Variants in CAPN15 observed in about 807,000 individuals in gnomAD.
CAPN15 encodes the protein calpain-15.
CAPN15 carries 53 observed loss-of-function variants against 97.9 expected under a neutral mutation model. The ratio of observed to expected loss-of-function variants is 0.54; its 90% confidence interval spans 0.43 to 0.68. The LOEUF (loss-of-function observed/expected upper bound fraction) is 0.68. CAPN15 is among the 30% of genes least tolerant of loss of function. The pLI is 0.00. For missense variants in CAPN15, 1,592 were observed against 1,589.8 expected (o/e 1.00, Z -0.02); for synonymous variants, 922 against 722.5 (o/e 1.28, Z -4.43).
At chr16:539,623 G>A (rs893263952) in intron 3 of CAPN15, 1 of 152,292 alleles carries the variant, frequency 6.6e-6, no homozygotes, top group Non-Finnish European at 1.5e-5. Context: ...CTGGCTCTGT[G>A]GGTGCACAAG....
In CAPN15 at chr16:549,003, G is replaced by C. The variant is rs1567153710; in HGVS notation, c.1460G>C (p.Ser487Thr). 5 of 1,612,718 alleles carry C rather than the reference G, an allele frequency of 3.1e-6. No individual in the cohort carries two copies. Among genetic ancestry groups the C allele is most frequent in the Non-Finnish European group, 4.2e-6 (5 of 1,179,924 alleles). Residue 487 changes from serine (S) to threonine (T), a missense_variant, in exon 5 of 14, where the codon AGC becomes ACC. Physicochemically the swap from Ser to Thr is moderately conservative, Grantham distance 58. Around this residue, in one of 3 missense-constraint regions of CAPN15, gnomAD observed 883 missense variants for 776.6 expected, o/e 1.14. Coordinates refer to ENST00000219611, the MANE Select transcript of CAPN15 (RefSeq NM_005632.3). Reference protein sequence around the residue: ...IVAFCRENNVSFVDDSFPPGP... With the variant: ...IVAFCRENNVTFVDDSFPPGP... ...CCGTGGTCTCTGCAGAACAATGTGA[G>C]CTTCGTGGATGACAGCTTCCCTCCC...
At position 530,061 on chromosome 16, in the gene CAPN15, C is replaced by G. The variant is rs553127676; in HGVS notation, c.-190+2032C>G. On this transcript the variant is annotated intron_variant, in intron 1 of 13. Coordinates refer to ENST00000219611, the MANE Select transcript of CAPN15 (RefSeq NM_005632.3). ...AAAGCCCTTCCGCATCCCTCGTACC[C>G]ACTCGGTGTGGATGTGGGTTTTCTC... Among the ~76,000 whole-genome samples the G allele has an allele frequency of 1.1e-4, 17 of 152,358 alleles. No individual in the cohort carries two copies. In the East Asian group the frequency reaches 1.7e-3, roughly 16 times the overall value.
At chr16:544,041 G>A (rs561157606) in intron 3 of CAPN15, among the ~76,000 whole-genome samples, 18 of 152,280 alleles carry the variant, frequency 1.2e-4, no homozygotes, top group African/African-American at 4.1e-4. Context: ...AGTGCCTGGC[G>A]CCCTCAATCA....
In CAPN15 at chr16:547,882, G is replaced by A; in HGVS notation, c.1044G>A (p.Lys348=). The change falls in exon 4 of 14, where the codon AAG becomes AAA. Residue 348 remains lysine, a synonymous_variant. Transcript: ENST00000219611. ...SPDFTTWSCA[K]CTLRNPTVAP... Reference sequence around the variant, plus strand: ...ACTTCACCACCTGGTCATGTGCCAAGTGCACGCTCAGAAACCCCACAGTGG... The same window carrying A: ...ACTTCACCACCTGGTCATGTGCCAAATGCACGCTCAGAAACCCCACAGTGG... 6.2e-7 allele frequency: 1 copy of A among 1,611,424 alleles called. No homozygotes were observed. The highest frequency in any genetic ancestry group is 8.5e-7 in the Non-Finnish European group (1 of 1,179,372).
intron 1 of CAPN15, among the ~76,000 whole-genome samples, chr16:532,850 C>G (rs1229202037): frequency 7.0e-6 from 1 of 142,734 alleles, no homozygotes; most frequent in Admixed American, 7.0e-5. Flanking sequence ...GAGACTCTGT[C>G]AGAGAAAAAA....
At chr16:550,267 C>A (rs2034897629) in intron 7 of CAPN15, among the ~76,000 whole-genome samples, 1 of 152,228 alleles carries the variant, frequency 6.6e-6, no homozygotes, top group Non-Finnish European at 1.5e-5. Flanking sequence ...CACCTTGAAG[C>A]TCCCGGAGCC....
Position 547,588 on chromosome 16 carries a change from G to A in CAPN15, c.750G>A (p.Glu250=). ...ACCCCGTGCCGCGCAGCCGACGCGAGGTTCCCCCCCAGCTGCAGCCACCGG... is the reference window on the plus strand; with the variant it reads ...ACCCCGTGCCGCGCAGCCGACGCGAAGTTCCCCCCCAGCTGCAGCCACCGG... The part of the protein sequence containing the change: ...QNNPVPRSRR[E]VPPQLQPPVP... The change falls in exon 4 of 14, where the codon GAG becomes GAA. Residue 250 remains glutamate (E), a synonymous_variant. Coordinates refer to ENST00000219611, the MANE Select transcript of CAPN15 (RefSeq NM_005632.3). 2.5e-6 allele frequency: 4 copies of A among 1,578,594 alleles called. No individual in the cohort carries two copies. The highest frequency in any genetic ancestry group is 3.4e-6 in the Non-Finnish European group (4 of 1,164,642).
At chr16:544,846 C>T (rs1486926110) in intron 3 of CAPN15, among the ~76,000 whole-genome samples, 1 of 85,138 alleles carries the variant, frequency 1.2e-5, no homozygotes, top group African/African-American at 7.6e-5. Context: ...TCGCCTCCCC[C>T]ACGTCGCCTC....
At chr16:551,756 T>A (rs546194992) in intron 9 of CAPN15, 92 bp downstream of exon 9, 1 of 1,514,892 alleles carries the variant, frequency 6.6e-7, no homozygotes, top group South Asian at 1.2e-5. Context: ...CCTGCTGACC[T>A]GGGGTGGGGC....
Position 551,319 on chromosome 16 carries a change from C to T in CAPN15, c.2084C>T (p.Ser695Phe). The change falls in exon 8 of 14, where the codon TCC (serine) becomes TTC (phenylalanine). Residue 695 changes from serine (S) to phenylalanine (F), a missense_variant. Physicochemically the swap from Ser to Phe is radical, Grantham distance 155 (BLOSUM62 -2). Transcript: ENST00000219611. Reference sequence around the variant, plus strand: ...CCACACAGGTTCCTCATGGGTGCCTCCTGTGGCGGGGGCAACATGAAGGTG... The same window carrying T: ...CCACACAGGTTCCTCATGGGTGCCTTCTGTGGCGGGGGCAACATGAAGGTG... ...SKEAGFLMGASCGGGNMKVDD... is the reference protein window; with the variant it reads ...SKEAGFLMGAFCGGGNMKVDD... The T allele has an allele frequency of 6.2e-7, 1 of 1,606,032 alleles. No individual in the cohort carries two copies. Among genetic ancestry groups the T allele is most frequent in the Non-Finnish European group, 8.5e-7 (1 of 1,176,368 alleles).
rs751176570 is a variant in CAPN15, at chr16:553,050, C to G, written c.3083+9C>G. ...GTGCCACCCCTGCACAGGTGCGCCC[C>G]CGCCCCTGCCCCCCCACCCCTGCAC... On this transcript the variant is annotated intron_variant, in intron 13 of 13. Transcript: ENST00000219611. 1 of 1,443,436 alleles carries G rather than the reference C, an allele frequency of 6.9e-7. No homozygotes were observed. Among genetic ancestry groups the G allele is most frequent in the Non-Finnish European group, 9.3e-7 (1 of 1,072,478 alleles). The allele number at this position is 1,443,436 out of a possible 1,614,324, so 89.4% of individuals were successfully genotyped here. A position where few individuals can be genotyped will look rare whatever the true frequency, so the allele number is the denominator to read the frequency against.
intron 2 of CAPN15, among the ~76,000 whole-genome samples, chr16:534,245 CCT>C: frequency 3.4e-5 from 1 of 29,328 alleles, no homozygotes; most frequent in African/African-American, 7.6e-4. Flanking sequence ...GGTGTTTGTC[CCT>C]TTGGGGACCT....
At chr16:551,762 G>A (rs2035097396) in intron 9 of CAPN15, 98 bp downstream of exon 9, 2 of 1,496,530 alleles carry the variant, frequency 1.3e-6, no homozygotes, top group Middle Eastern at 1.8e-4. Flanking sequence ...GACCTGGGGT[G>A]GGGCGGCTTG....
At chr16:529,350 C>T (rs2033080875) in intron 1 of CAPN15, among the ~76,000 whole-genome samples, 1 of 152,092 alleles carries the variant, frequency 6.6e-6, no homozygotes, top group Non-Finnish European at 1.5e-5. Context: ...CAGCCTCAAG[C>T]CCTGCTGGCT....
At chr16:551,909 C>T (rs1024910440) in intron 9 of CAPN15, 142 bp from the exon 10 acceptor site, 8 of 1,041,478 alleles carry the variant, frequency 7.7e-6, no homozygotes, top group Admixed American at 4.2e-5. Flanking sequence ...CAGGGATGGG[C>T]CCCCGGGGGC....
intron 1 of CAPN15, among the ~76,000 whole-genome samples, chr16:530,229 C>G (rs11865960): frequency 0.26 from 39,916 of 152,182 alleles, 8,841 homozygotes; most frequent in African/African-American, 0.6. Flanking sequence ...GCAGCACTTA[C>G]ACTTGGGACC....
Position 544,633 on chromosome 16 carries a change from G to A in CAPN15, c.-22-2184G>A, listed in dbSNP as rs372606932. Reference sequence around the variant, plus strand: ...CGGGTCTTTTGTGCTGGATTTTTCTGTACAGTTGCCTCGATCTTCCATCCA... The same window carrying A: ...CGGGTCTTTTGTGCTGGATTTTTCTATACAGTTGCCTCGATCTTCCATCCA... On this transcript the variant is annotated intron_variant, in intron 3 of 13. Coordinates refer to ENST00000219611, the MANE Select transcript of CAPN15 (RefSeq NM_005632.3). 1.9e-4 allele frequency among the ~76,000 whole-genome samples: 29 copies of A among 151,910 alleles called. No individual in the cohort carries two copies. In the East Asian group the frequency reaches 5.5e-3, roughly 29 times the overall value.
chr16:551,480 G>A lies in CAPN15; in HGVS notation c.2193-32G>A, dbSNP rs543760420. 135 of 1,602,740 alleles carry A rather than the reference G, an allele frequency of 8.4e-5. 1 individual carries two copies. In the South Asian group the frequency reaches 1.4e-3, roughly 17 times the overall value. ...GGGGTGCCGGTGAGACTCGGGCAGT[G>A]TGGTTCAGATCCTCACCCCTGTGGT... On this transcript the variant is annotated intron_variant, in intron 8 of 13. Coordinates refer to ENST00000219611, the MANE Select transcript of CAPN15 (RefSeq NM_005632.3).
chr16:537,941 G>A (rs938086362), intron 3 of CAPN15: 1 of 152,260 alleles, frequency 6.6e-6, no homozygotes, highest in Non-Finnish European at 1.5e-5. Context: ...GGCACGTCCA[G>A]AGACCCGGCC....
Sources: allele counts gnomAD v4.1 joint callset (sites outside exome capture counted in the v4.1 genomes callset), GRCh38; gene constraint gnomAD v4.1.1; regional missense constraint gnomAD v4.1.1; transcripts MANE v1.5; gene names NCBI Gene and HGNC (gene_info 2026-07-23, HGNC 2026-07-21).